JAK3: variants seen among roughly 807,000 people sequenced by gnomAD.
The protein encoded by JAK3 is Janus kinase 3.
A neutral mutation model predicts 120.8 loss-of-function variants in JAK3; 88 were observed. The ratio of observed to expected loss-of-function variants is 0.73; its 90% confidence interval spans 0.61 to 0.87. The LOEUF (loss-of-function observed/expected upper bound fraction) is 0.87. Among genes scored for constraint, JAK3 ranks in the 40% least tolerant of loss-of-function variants. The pLI is 0.00. For missense variants in JAK3, 1,254 were observed against 1,501.4 expected (o/e 0.84, Z 2.72); for synonymous variants, 592 against 628.6 (o/e 0.94, Z 0.87).
intron 12 of JAK3, 34 bp downstream of exon 12, chr19:17,837,898 C>T: frequency 6.2e-7 from 1 of 1,613,566 alleles, no homozygotes; most frequent in Non-Finnish European, 8.5e-7. Flanking sequence ...CCAGCCAGCC[C>T]CGACTCCAAA....
rs1219374340 is a variant in JAK3 at position 17,831,870 on chromosome 19, TG to T, written c.2681-73del. On this transcript the variant is annotated intron_variant, in intron 19 of 23. Transcript: ENST00000458235. This position sits in a 1 kb window ranked among gnomAD's most constrained non-coding sequence, Gnocchi z 5.1. ...CCCCCATTCTTCCCCCCTTTCACAG[TG>T]GGACCTTGTGTCCCTCTCGACCTCA... is the stretch of plus-strand genomic sequence containing the variant. The T allele has an allele frequency of 7.6e-6, 12 of 1,583,182 alleles. No individual in the cohort carries two copies. In the East Asian group the frequency reaches 2.7e-4, roughly 36 times the overall value.
chr19:17,831,763 GCAGGTACTCCATGAC>G lies in JAK3; in HGVS notation c.2701_2715del (p.Val901_Leu905del), dbSNP rs1568401556. 2 of 1,612,666 alleles carry G rather than the reference GCAGGTACTCCATGAC, an allele frequency of 1.2e-6. No individual in the cohort carries two copies. The highest frequency in any genetic ancestry group is 1.7e-6 in the Non-Finnish European group (2 of 1,179,884). ...AGGAAGTCGCGCAAGCAGCCGCTGG[GCAGGTACTCCATGAC>G]CAGCCGCAGGCTCTGGCGGCCTGGA... On this transcript the variant is annotated inframe_deletion, in exon 20 of 24. Coordinates refer to ENST00000458235, the MANE Select transcript of JAK3 (RefSeq NM_000215.4). This position sits in a 1 kb window ranked among gnomAD's most constrained non-coding sequence, Gnocchi z 5.1.
In JAK3 at chr19:17,842,869, G is replaced by A. The variant is rs2094243309; in HGVS notation, c.566+158C>T. 3 of 1,041,242 alleles carry A rather than the reference G, an allele frequency of 2.9e-6. No homozygotes were observed. The East Asian group carries it at 7.8e-5, about 27-fold the overall frequency. The allele number at this position is 1,041,242 out of a possible 1,614,324, so 64.5% of individuals were successfully genotyped here. On this transcript the variant is annotated intron_variant, in intron 5 of 23. Transcript: ENST00000458235. The surrounding 1 kb of genome is among the most constrained non-coding windows in gnomAD (Gnocchi z 6.4). Reference sequence around the variant, plus strand: ...TCAGGTGTCTGTCCAGCTGGAGCCTGGGGGTGGAGAGGGCTGGGTTCGTGG... The same window carrying A: ...TCAGGTGTCTGTCCAGCTGGAGCCTAGGGGTGGAGAGGGCTGGGTTCGTGG...
chr19:17,845,032 T>C lies in JAK3; in HGVS notation c.-13-602A>G, dbSNP rs528786302. Among the ~76,000 whole-genome samples, 6 of 152,100 alleles carry C rather than the reference T, an allele frequency of 3.9e-5. No homozygotes were observed. The South Asian group carries it at 1.0e-3, about 26-fold the overall frequency. The stretch of plus-strand genomic sequence containing the variant: ...AGGAGGTCACTCAAATTGACCTGAA[T>C]GAAGAAGATCTGAAGAAAGTGTTGG... On this transcript the variant is annotated intron_variant, in intron 1 of 23. Coordinates refer to ENST00000458235, the MANE Select transcript of JAK3 (RefSeq NM_000215.4).
Position 17,832,835 on chromosome 19 carries a change from C to A in JAK3, c.2445G>T (p.Thr815=). ...ACTTGAGGTGTCTCTCCTCGAAGAT[C>A]GTGGGGTCTTGGCAGGCATAGAGCT... ...GAQLYACQDP[T]IFEERHLKYI... The change falls in exon 18 of 24, where the codon ACG becomes ACT. Residue 815 remains threonine (T), a synonymous_variant. Coordinates refer to ENST00000458235, the MANE Select transcript of JAK3 (RefSeq NM_000215.4). The surrounding 1 kb of genome is among the most constrained non-coding windows in gnomAD (Gnocchi z 4.7). 6.2e-7 allele frequency: 1 copy of A among 1,614,240 alleles called. No individual in the cohort carries two copies. Among genetic ancestry groups the A allele is most frequent in the Non-Finnish European group, 8.5e-7 (1 of 1,180,042 alleles).
rs2147678297 is a variant in JAK3, at chr19:17,832,607, C to T, written c.2592G>A (p.Gln864=). Residue 864 remains glutamine, a synonymous_variant, in exon 19 of 24, where the codon CAG becomes CAA. Coordinates refer to ENST00000458235, the MANE Select transcript of JAK3 (RefSeq NM_000215.4). The surrounding 1 kb of genome is among the most constrained non-coding windows in gnomAD (Gnocchi z 4.7). ...VKQLQHSGPD[Q]QRDFQREIQI... is the part of the protein sequence containing the mutation. ...GAATCTCCCGCTGAAAGTCCCTCTG[C>T]TGGTCTGGCCCGCTGTGCTGCAGCT... The T allele has an allele frequency of 6.2e-7, 1 of 1,614,236 alleles. No individual in the cohort carries two copies.
At position 17,833,542 on chromosome 19, in the gene JAK3, GAAAAAAA is replaced by G. The variant is rs58330868; in HGVS notation, c.2351-620_2351-614del. On this transcript the variant is annotated intron_variant, in intron 17 of 23. Coordinates refer to ENST00000458235, the MANE Select transcript of JAK3 (RefSeq NM_000215.4). ...GGGAACATAGCAAAACCCCATCACA[GAAAAAAA>G]AAAAAAAAAAAAAAAAATCCAGCCT... is the stretch of plus-strand genomic sequence containing the variant. Among the ~76,000 whole-genome samples the G allele has an allele frequency of 1.5e-4, 11 of 74,634 alleles. No individual in the cohort carries two copies. In the East Asian group the frequency reaches 2.8e-3, roughly 19 times the overall value. 49.0% of individuals were successfully genotyped at this position (74,634 alleles called of 152,430 possible). A position where few individuals can be genotyped will look rare whatever the true frequency, so the allele number is the denominator to read the frequency against.
At chr19:17,839,865 C>A (rs3212743) in intron 9 of JAK3, among the ~76,000 whole-genome samples, 2 of 151,626 alleles carry the variant, frequency 1.3e-5, no homozygotes, top group Non-Finnish European at 2.9e-5. Flanking sequence ...CTCAGCCTCC[C>A]GAGTAGCTGG....
chr19:17,840,476 G>C (rs1303988807), intron 8 of JAK3, 135 bp from the exon 9 acceptor site: 3 of 684,162 alleles, frequency 4.4e-6, no homozygotes, highest in Non-Finnish European at 7.8e-6. Flanking sequence ...TATAAAATCA[G>C]CCATGGGCCA....
rs144203232 is a variant in JAK3 at position 17,838,284 on chromosome 19, G to A, written c.1548C>T (p.Ile516=). The A allele has an allele frequency of 6.2e-4, 1,002 of 1,614,132 alleles. 6 individuals are homozygous for A. In the African/African-American group the frequency reaches 0.011, roughly 18 times the overall value. The part of the protein sequence containing the change: ...YQLSQMTFHK[I]PADSLEWHEN... ...TTACCCACTCCAGGCTGTCAGCAGG[G>A]ATCTTGTGAAATGTCATCTGACTCA... The change falls in exon 11 of 24, where the codon ATC becomes ATT. Residue 516 remains isoleucine, a synonymous_variant. Coordinates refer to ENST00000458235, the MANE Select transcript of JAK3 (RefSeq NM_000215.4).
At chr19:17,834,746 A>G (rs201185053) in intron 16 of JAK3, 25 bp from the exon 17 acceptor site, 154 of 1,613,916 alleles carry the variant, frequency 9.5e-5, no homozygotes, top group Non-Finnish European at 1.3e-4. Context: ...AGCAGTCGGT[A>G]ATCCCCAACC....
intron 23 of JAK3, chr19:17,829,801 T>C: frequency 2.1e-6 from 1 of 483,710 alleles, no homozygotes. Context: ...GTCACCACCA[T>C]TTATGGAGCA....
intron 23 of JAK3, among the ~76,000 whole-genome samples, chr19:17,827,206 T>C (rs1182882861): frequency 6.6e-6 from 1 of 152,110 alleles, no homozygotes; most frequent in African/African-American, 2.4e-5. Context: ...CTCAAATTCC[T>C]GATCTCAGGT....
Position 17,835,228 on chromosome 19 carries a change from G to T in JAK3, c.1915-13C>A. On this transcript the variant is annotated splice_polypyrimidine_tract_variant and intron_variant, in intron 14 of 23. Transcript: ENST00000458235. ...GGCCTTTGTCCTCCTAAGGGGGCCA[G>T]ACACAGGAAAATGCCCGGGAGGGTT... 6.2e-7 allele frequency: 1 copy of T among 1,613,110 alleles called. No individual in the cohort carries two copies.
At position 17,831,219 on chromosome 19, in the gene JAK3, G is replaced by A. The variant is rs750682558; in HGVS notation, c.2978+9C>T. The A allele has an allele frequency of 1.9e-6, 3 of 1,610,952 alleles. No individual in the cohort carries two copies. Among genetic ancestry groups the A allele is most frequent in the Non-Finnish European group, 2.5e-6 (3 of 1,179,280 alleles). On this transcript the variant is annotated intron_variant, in intron 21 of 23. Transcript: ENST00000458235. This position sits in a 1 kb window ranked among gnomAD's most constrained non-coding sequence, Gnocchi z 5.1. ...GAATAGGGGCGGAGCCTAGGCGCGG[G>A]TTCCCCACCAGAAAATGGGGCTCTG...
intron 8 of JAK3, 41 bp from the exon 9 acceptor site, chr19:17,840,382 TAGA>T (rs2094235316): frequency 1.5e-6 from 2 of 1,368,960 alleles, no homozygotes; most frequent in African/African-American, 1.4e-5. Flanking sequence ...GAGTCAGAGA[TAGA>T]AGAAGACAGA....
intron 17 of JAK3, among the ~76,000 whole-genome samples, chr19:17,834,110 G>A (rs1669955718): frequency 6.6e-6 from 1 of 152,116 alleles, no homozygotes; most frequent in African/African-American, 2.4e-5. Flanking sequence ...CACTTTAGGA[G>A]GTAGAGGTGG....
At chr19:17,845,589 TC>T (rs1322899217) in intron 1 of JAK3, among the ~76,000 whole-genome samples, 2 of 151,968 alleles carry the variant, frequency 1.3e-5, no homozygotes, top group African/African-American at 2.4e-5. Context: ...TGAGACCTCA[TC>T]TCTAAAAAAT....
intron 1 of JAK3, among the ~76,000 whole-genome samples, chr19:17,847,656 C>G (rs1006682942): frequency 2.4e-4 from 37 of 152,186 alleles, no homozygotes; most frequent in African/African-American, 8.9e-4. Context: ...CCCTCCTTCC[C>G]AATCCCTCCT....
Sources: allele counts gnomAD v4.1 joint callset (sites outside exome capture counted in the v4.1 genomes callset), GRCh38; gene constraint gnomAD v4.1.1; non-coding constraint Gnocchi (gnomAD v3.1); transcripts MANE v1.5; gene names NCBI Gene and HGNC (gene_info 2026-07-23, HGNC 2026-07-21).